Variants in CGAS observed in about 807,000 individuals in gnomAD.
CGAS encodes the protein cyclic GMP-AMP synthase.
A neutral mutation model predicts 34.0 loss-of-function variants in CGAS; 31 were observed. The observed-to-expected ratio is 0.91, with a 90% CI of 0.69 to 1.23. The LOEUF (loss-of-function observed/expected upper bound fraction) is 1.23, where lower values mean the gene tolerates loss of function less well. Ranked by LOEUF, CGAS falls within the 50% of genes most tolerant of loss-of-function variation. The pLI is 0.00. For synonymous variants in CGAS, 266 were observed against 260.0 expected (o/e 1.02, Z -0.22); for missense variants, 597 against 657.6 (o/e 0.91, Z 1.01).
At chr6:73,426,801 TACTATTTATGAA>T (rs1562290034) in intron 4 of CGAS, among the ~76,000 whole-genome samples, 1 of 152,128 alleles carries the variant, frequency 6.6e-6, no homozygotes, top group East Asian at 1.9e-4. Flanking sequence ...TGACAAAATG[TACTATTTATGAA>T]ACTATTTAGC....
chr6:73,426,213 G>A (rs1770083672), intron 4 of CGAS, among the ~76,000 whole-genome samples: 1 of 151,488 alleles, frequency 6.6e-6, no homozygotes, highest in Non-Finnish European at 1.5e-5. Flanking sequence ...AACCCAGGAG[G>A]CAGAGGTTGC....
At chr6:73,439,446 A>AC (rs1770336944) in intron 3 of CGAS, among the ~76,000 whole-genome samples, 1 of 151,082 alleles carries the variant, frequency 6.6e-6, no homozygotes, top group South Asian at 2.1e-4. Flanking sequence ...GTGCCACTGC[A>AC]CTTCAGCCTG....
At chr6:73,433,750 G>C (rs1770233029) in intron 3 of CGAS, among the ~76,000 whole-genome samples, 1 of 152,022 alleles carries the variant, frequency 6.6e-6, no homozygotes, top group Admixed American at 6.6e-5. Flanking sequence ...GCCTTCCAAA[G>C]TGCTGGGATT....
intron 1 of CGAS, 117 bp downstream of exon 1, chr6:73,451,408 G>A: frequency 8.5e-7 from 1 of 1,179,898 alleles, no homozygotes; most frequent in Non-Finnish European, 1.2e-6. Context: ...CGAAAAACAT[G>A]CAAAAGTCTA....
At chr6:73,450,039 A>AGAG (rs1770536289) in intron 1 of CGAS, among the ~76,000 whole-genome samples, 2 of 148,362 alleles carry the variant, frequency 1.3e-5, no homozygotes, top group South Asian at 2.2e-4. Context: ...GAACAAAATA[A>AGAG]AGAGAGAGAG....
chr6:73,426,354 A>ATG (rs772960268), intron 4 of CGAS, among the ~76,000 whole-genome samples: 1,869 of 133,964 alleles, frequency 0.014, 45 homozygotes, highest in African/African-American at 0.049. Context: ...GAAATGATAA[A>ATG]ATAAAATAAA....
At chr6:73,448,379 A>G (rs975753667) in intron 1 of CGAS, among the ~76,000 whole-genome samples, 1 of 152,194 alleles carries the variant, frequency 6.6e-6, no homozygotes, top group Non-Finnish European at 1.5e-5. Context: ...CCCAGGCAAC[A>G]AGAGTGAAAC....
chr6:73,434,440 C>G (rs1770246527), intron 3 of CGAS, among the ~76,000 whole-genome samples: 1 of 152,106 alleles, frequency 6.6e-6, no homozygotes. Flanking sequence ...TAACTCTGAT[C>G]TAATCATAAG....
intron 2 of CGAS, 125 bp downstream of exon 2, chr6:73,445,403 T>C (rs1770453282): frequency 1.9e-6 from 1 of 530,302 alleles, no homozygotes; most frequent in East Asian, 3.3e-5. Flanking sequence ...TCTACTGATG[T>C]TTCTTGACCT....
chr6:73,437,209 A>G (rs1168322477), intron 3 of CGAS, among the ~76,000 whole-genome samples: 1 of 152,170 alleles, frequency 6.6e-6, no homozygotes, highest in Non-Finnish European at 1.5e-5. Context: ...ACTAAAAACA[A>G]TTAAAAAGGT....
intron 3 of CGAS, among the ~76,000 whole-genome samples, chr6:73,433,033 G>A (rs756491366): frequency 1.3e-5 from 2 of 151,984 alleles, no homozygotes; most frequent in Non-Finnish European, 2.9e-5. Context: ...GCAGTGAGCC[G>A]AGATCGCACC....
chr6:73,445,451 A>T (rs1333796797), intron 2 of CGAS, 77 bp downstream of exon 2: 1 of 1,047,188 alleles, frequency 9.5e-7, no homozygotes, highest in African/African-American at 1.6e-5. Flanking sequence ...GAGGTCAAGA[A>T]ACATGAGAAT....
chr6:73,427,718 C>A (rs1004095324), intron 4 of CGAS, among the ~76,000 whole-genome samples: 8 of 152,114 alleles, frequency 5.3e-5, no homozygotes, highest in African/African-American at 1.9e-4. Context: ...CCCGTACTTC[C>A]AAGACTTTGG....
chr6:73,434,652 T>C (rs1042424330), intron 3 of CGAS, among the ~76,000 whole-genome samples: 4 of 151,928 alleles, frequency 2.6e-5, no homozygotes, highest in Admixed American at 6.6e-5. Flanking sequence ...GGATAAAGTA[T>C]ATAATTTTTT....
rs199666551 is a variant in CGAS at position 73,424,850 on chromosome 6, C to CTTAT, written c.*373_*376dup. 1 of 151,690 alleles carries CTTAT rather than the reference C, an allele frequency of 6.6e-6. No homozygotes were observed. The highest frequency in any genetic ancestry group is 1.9e-4 in the East Asian group (1 of 5,182). 9.4% of individuals were successfully genotyped at this position (151,690 alleles called of 1,614,324 possible). A position where few individuals can be genotyped will look rare whatever the true frequency, so the allele number is the denominator to read the frequency against. On this transcript the variant is annotated 3_prime_UTR_variant, in exon 5 of 5. Transcript: ENST00000370315. ...TTTAATAATTTCCTAATTTATTTTT[C>CTTAT]TTATTTATTTATTTATTTTTTGAGA...
chr6:73,432,137 T>C (rs1158240640), intron 3 of CGAS, among the ~76,000 whole-genome samples: 1 of 151,618 alleles, frequency 6.6e-6, no homozygotes, highest in African/African-American at 2.4e-5. Flanking sequence ...ATAAGAAAAT[T>C]ATTATTTGTT....
At chr6:73,438,180 C>T (rs1770309661) in intron 3 of CGAS, among the ~76,000 whole-genome samples, 1 of 152,128 alleles carries the variant, frequency 6.6e-6, no homozygotes, top group African/African-American at 2.4e-5. Flanking sequence ...AAAGATATAG[C>T]AGGTGTTATA....
At chr6:73,434,046 G>C (rs1770238782) in intron 3 of CGAS, among the ~76,000 whole-genome samples, 1 of 152,218 alleles carries the variant, frequency 6.6e-6, no homozygotes, top group Non-Finnish European at 1.5e-5. Context: ...CGAAGTGGTA[G>C]AACTTGCCCT....
intron 2 of CGAS, among the ~76,000 whole-genome samples, chr6:73,441,645 C>T (rs1770382516): frequency 6.6e-6 from 1 of 152,124 alleles, no homozygotes; most frequent in South Asian, 2.1e-4. Context: ...ACCTGTGGGA[C>T]ACTCAAGTGG....
Sources: allele counts gnomAD v4.1 joint callset (sites outside exome capture counted in the v4.1 genomes callset), GRCh38; gene constraint gnomAD v4.1.1; transcripts MANE v1.5; gene names NCBI Gene and HGNC (gene_info 2026-07-23, HGNC 2026-07-21).